Variants in ELMO1 observed in about 807,000 individuals in gnomAD.
The protein encoded by ELMO1 is engulfment and cell motility 1, also known as engulfment and cell motility protein 1.
ELMO1 carries 26 observed loss-of-function variants against 98.9 expected under a neutral mutation model. The ratio of observed to expected loss-of-function variants is 0.26; its 90% CI spans 0.19 to 0.36. ELMO1 has a LOEUF of 0.36. ELMO1 is among the 10% of genes least tolerant of loss of function. The probability of loss-of-function intolerance (pLI) is 1.00; values close to 1 mark genes in which losing one functional copy is unlikely to be tolerated. For synonymous variants in ELMO1, 346 were observed against 346.0 expected (o/e 1.00, Z 0.00); for missense variants, 627 against 935.2 (o/e 0.67, Z 4.30).
At chr7:37,363,070 G>A (rs746022235) in intron 1 of ELMO1, among the ~76,000 whole-genome samples, 1 of 152,198 alleles carries the variant, frequency 6.6e-6, no homozygotes, top group Non-Finnish European at 1.5e-5. Flanking sequence ...GCAGTAACCT[G>A]AAATGTTGAA....
chr7:37,399,889 A>G (rs1200773244), intron 1 of ELMO1, among the ~76,000 whole-genome samples: 1 of 152,206 alleles, frequency 6.6e-6, no homozygotes, highest in African/African-American at 2.4e-5. Flanking sequence ...AGGATTAAAC[A>G]ACTTGAAATG....
At chr7:37,207,993 G>A (rs1360126146) in intron 13 of ELMO1, among the ~76,000 whole-genome samples, 1 of 152,228 alleles carries the variant, frequency 6.6e-6, no homozygotes, top group Non-Finnish European at 1.5e-5. Flanking sequence ...GTTGTGCTGA[G>A]AAGGAATGTG....
chr7:36,868,348 C>CTTTTT (rs70977202), intron 20 of ELMO1, among the ~76,000 whole-genome samples: 1 of 140,630 alleles, frequency 7.1e-6, no homozygotes, highest in Non-Finnish European at 1.5e-5. Context: ...TCTTCTTCTT[C>CTTTTT]TTTTTTTTTT....
intron 18 of ELMO1, among the ~76,000 whole-genome samples, chr7:36,884,166 CAAA>C (rs773473562): frequency 4.0e-5 from 6 of 151,842 alleles, no homozygotes; most frequent in Non-Finnish European, 1.5e-5. Flanking sequence ...GCTAAAAATA[CAAA>C]AAAATTACCC....
intron 16 of ELMO1, among the ~76,000 whole-genome samples, chr7:36,965,346 G>T (rs1206351043): frequency 6.6e-6 from 1 of 152,134 alleles, no homozygotes; most frequent in Non-Finnish European, 1.5e-5. Flanking sequence ...ATAAATATTT[G>T]TTCCAGCAGA....
intron 16 of ELMO1, among the ~76,000 whole-genome samples, chr7:37,000,375 C>T (rs1016526761): frequency 6.6e-6 from 1 of 152,140 alleles, no homozygotes; most frequent in Admixed American, 6.5e-5. Flanking sequence ...CCATACACCT[C>T]GGATCCAGCC....
At chr7:37,167,385 T>C (rs1789790937) in intron 13 of ELMO1, among the ~76,000 whole-genome samples, 2 of 152,096 alleles carry the variant, frequency 1.3e-5, no homozygotes, top group African/African-American at 4.8e-5. Context: ...GTCATTATGA[T>C]GTTAGCTGGT....
At position 37,134,964 on chromosome 7, in the gene ELMO1, T is replaced by C. The variant is rs971474976; in HGVS notation, c.1087-1730A>G. 2.6e-5 allele frequency among the ~76,000 whole-genome samples: 4 copies of C among 152,224 alleles called. No individual in the cohort carries two copies. In the East Asian group the frequency reaches 5.8e-4, roughly 22 times the overall value. The stretch of plus-strand genomic sequence containing the variant: ...ATTGTTTACTGAGTACAATGCACTA[T>C]GTAGGTGATGGATACACTAAAATCC... On this transcript the variant is annotated intron_variant, in intron 13 of 21. Transcript: ENST00000310758.
At chr7:36,905,141 C>T (rs750395076) in intron 16 of ELMO1, among the ~76,000 whole-genome samples, 1 of 152,230 alleles carries the variant, frequency 6.6e-6, no homozygotes, top group African/African-American at 2.4e-5. Flanking sequence ...TTCTGGAAAA[C>T]TCTTTCACCA....
At chr7:36,943,666 C>A (rs1015357435) in intron 16 of ELMO1, among the ~76,000 whole-genome samples, 2 of 152,170 alleles carry the variant, frequency 1.3e-5, no homozygotes, top group African/African-American at 4.8e-5. Context: ...GTATTATATG[C>A]CTCTAAATAG....
chr7:36,910,011 G>A (rs952897884), intron 16 of ELMO1, among the ~76,000 whole-genome samples: 2 of 152,162 alleles, frequency 1.3e-5, no homozygotes, highest in African/African-American at 4.8e-5. Context: ...TTCTGCGTAA[G>A]GCATTGCATA....
chr7:36,894,766 A>T, intron 17 of ELMO1, 88 bp downstream of exon 17: 1 of 1,556,536 alleles, frequency 6.4e-7, no homozygotes, highest in Non-Finnish European at 8.8e-7. Context: ...GGAGCTCACA[A>T]CACAGCCCAG....
At chr7:37,313,351 A>C (rs1798983641) in intron 4 of ELMO1, among the ~76,000 whole-genome samples, 1 of 152,106 alleles carries the variant, frequency 6.6e-6, no homozygotes, top group African/African-American at 2.4e-5. Context: ...CAGCTTCCCG[A>C]ACAGCTTGGA....
intron 15 of ELMO1, among the ~76,000 whole-genome samples, chr7:37,070,236 T>C (rs78645914): frequency 0.021 from 3,263 of 152,300 alleles, 128 homozygotes; most frequent in African/African-American, 0.075. Flanking sequence ...CACCATTGGA[T>C]GGCAGAGGAG....
At position 36,870,378 on chromosome 7, in the gene ELMO1, A is replaced by G. The variant is rs755632885; in HGVS notation, c.1905+15T>C. ...TGGGCAAATAGAGCTATTTGCAATA[A>G]TTTGGAAATCATACCTTGTTTTGTT... On this transcript the variant is annotated intron_variant, in intron 20 of 21. Transcript: ENST00000310758. This position sits in a 1 kb window ranked among gnomAD's most constrained non-coding sequence, Gnocchi z 4.4. The G allele has an allele frequency of 1.4e-5, 22 of 1,613,700 alleles. No individual in the cohort carries two copies. The highest frequency in any genetic ancestry group is 1.8e-5 in the Non-Finnish European group (21 of 1,179,708).
At chr7:36,989,099 T>A (rs1791697936) in intron 16 of ELMO1, among the ~76,000 whole-genome samples, 1 of 152,212 alleles carries the variant, frequency 6.6e-6, no homozygotes. Flanking sequence ...ATTCAGCAAT[T>A]AATAATTCAG....
chr7:37,089,544 A>C (rs368722532), intron 15 of ELMO1, among the ~76,000 whole-genome samples: 12 of 152,250 alleles, frequency 7.9e-5, no homozygotes, highest in African/African-American at 2.9e-4. Flanking sequence ...ATTTGCTAAA[A>C]GGACAGTAAT....
At chr7:37,336,706 A>G (rs1800432110) in intron 2 of ELMO1, among the ~76,000 whole-genome samples, 1 of 152,304 alleles carries the variant, frequency 6.6e-6, no homozygotes, top group Non-Finnish European at 1.5e-5. Context: ...TGCCGAGCGT[A>G]ACCGAGAGGG....
chr7:37,141,807 AG>A (rs10706600), intron 13 of ELMO1, among the ~76,000 whole-genome samples: 118,508 of 152,058 alleles, frequency 0.78, 46,796 homozygotes, highest in Non-Finnish European at 0.83. Context: ...CACTTGTTTG[AG>A]GATCAAACAA....
Sources: allele counts gnomAD v4.1 joint callset (sites outside exome capture counted in the v4.1 genomes callset), GRCh38; gene constraint gnomAD v4.1.1; non-coding constraint Gnocchi (gnomAD v3.1); transcripts MANE v1.5; gene names NCBI Gene and HGNC (gene_info 2026-07-23, HGNC 2026-07-21).